The following CEP57L1 variants were observed in gnomAD, a reference collection of about 807,000 sequenced individuals.
CEP57L1 encodes the protein centrosomal protein 57 like 1, also known as centrosomal protein CEP57L1.
In CEP57L1, 37 loss-of-function variants were observed where a neutral mutation model predicts 61.0. That is an observed-to-expected ratio of 0.61 (90% confidence interval 0.47 to 0.80). The LOEUF (loss-of-function observed/expected upper bound fraction) is 0.80. Among genes scored for constraint, CEP57L1 ranks in the 30% least tolerant of loss-of-function variants. CEP57L1 has a pLI of 0.00. For synonymous variants in CEP57L1, 137 were observed against 162.3 expected (o/e 0.84, Z 1.19); for missense variants, 422 against 524.7 (o/e 0.80, Z 1.91).
At chr6:109,157,156 G>T (rs947131982) in intron 7 of CEP57L1, 1 of 152,136 alleles carries the variant, frequency 6.6e-6, no homozygotes, top group East Asian at 1.9e-4. Context: ...GTAATTAACA[G>T]CAGAATCATT....
intron 10 of CEP57L1, 30 bp downstream of exon 10, chr6:109,160,746 A>G (rs1184534097): frequency 6.4e-7 from 1 of 1,564,018 alleles, no homozygotes; most frequent in Non-Finnish European, 8.6e-7. Context: ...AGATTTTAAT[A>G]AAAACACAAA....
chr6:109,171,417 G>A lies in CEP57L1; in HGVS notation c.*8447G>A, dbSNP rs180761914. 1.6e-4 allele frequency among the ~76,000 whole-genome samples: 23 copies of A among 147,936 alleles called. No homozygotes were observed. In the East Asian group the frequency reaches 3.9e-3, roughly 25 times the overall value. On this transcript the variant is annotated 3_prime_UTR_variant, in exon 11 of 11. Transcript: ENST00000517392. ...CCACACCCGGCTGTTTTTTTTTTTC[G>A]CATTTTTAATAGAAACGGGGTTTCA...
intron 1 of CEP57L1, among the ~76,000 whole-genome samples, chr6:109,109,232 G>A (rs1181676422): frequency 6.6e-6 from 1 of 152,104 alleles, no homozygotes; most frequent in African/African-American, 2.4e-5. Context: ...TCTCTTAAGA[G>A]TATTCACCAA....
intron 1 of CEP57L1, among the ~76,000 whole-genome samples, chr6:109,126,438 G>A (rs1773566480): frequency 6.6e-6 from 1 of 152,254 alleles, no homozygotes; most frequent in Non-Finnish European, 1.5e-5. Context: ...ATGAAAATCT[G>A]TTGTCCATCT....
rs960987467 is a variant in CEP57L1 at position 109,136,756 on chromosome 6, TTTTA to T, written c.-3-8455_-3-8452del. On this transcript the variant is annotated intron_variant, in intron 1 of 10. Coordinates refer to ENST00000517392, the MANE Select transcript of CEP57L1 (RefSeq NM_001271852.3). ...TTTTATTTTATTTTATTTTATTTTA[TTTTA>T]TTTATTTTTTTGAGAGAGAGTCTTT... Among the ~76,000 whole-genome samples the T allele has an allele frequency of 2.5e-3, 360 of 142,328 alleles. 2 individuals are homozygous for T. The highest frequency in any genetic ancestry group is 0.01 in the African/African-American group (345 of 34,386). 93.4% of individuals were successfully genotyped at this position (142,328 alleles called of 152,430 possible).
At chr6:109,147,408 CAT>C (rs749122726) in intron 3 of CEP57L1, among the ~76,000 whole-genome samples, 14 of 152,026 alleles carry the variant, frequency 9.2e-5, no homozygotes, top group Non-Finnish European at 1.8e-4. Flanking sequence ...AATTAGAAGA[CAT>C]AGGCAAATGG....
intron 1 of CEP57L1, among the ~76,000 whole-genome samples, chr6:109,104,208 T>C (rs1770654525): frequency 6.6e-6 from 1 of 152,180 alleles, no homozygotes; most frequent in Non-Finnish European, 1.5e-5. Flanking sequence ...CTTATCTGTG[T>C]TGCTAAATGT....
chr6:109,109,856 A>G (rs1272960434), intron 1 of CEP57L1, among the ~76,000 whole-genome samples: 1 of 152,212 alleles, frequency 6.6e-6, no homozygotes, highest in African/African-American at 2.4e-5. Context: ...ATGTCCCTGT[A>G]AAGGACATGA....
At chr6:109,116,937 T>C (rs1297998627) in intron 1 of CEP57L1, among the ~76,000 whole-genome samples, 1 of 152,206 alleles carries the variant, frequency 6.6e-6, no homozygotes, top group Non-Finnish European at 1.5e-5. Flanking sequence ...TATCACATAT[T>C]AAGTAGAAAG....
rs6568556 is a variant in CEP57L1 at position 109,170,081 on chromosome 6, G to A, written c.*7111G>A. Among the ~76,000 whole-genome samples the A allele has an allele frequency of 8.6e-3, 1,315 of 152,226 alleles. 15 individuals carry two copies. Among genetic ancestry groups the A allele is most frequent in the African/African-American group, 0.025 (1,056 of 41,536 alleles). On this transcript the variant is annotated 3_prime_UTR_variant, in exon 11 of 11. Coordinates refer to ENST00000517392, the MANE Select transcript of CEP57L1 (RefSeq NM_001271852.3). ...GATTTCTTATAACCATATCAGCAAA[G>A]CCACTCTGCTCTGGACAATGGTCAG...
chr6:109,097,476 TCCAGA>T (rs1184850193), intron 1 of CEP57L1, among the ~76,000 whole-genome samples: 1 of 152,172 alleles, frequency 6.6e-6, no homozygotes, highest in East Asian at 1.9e-4. Context: ...TATATTGCCC[TCCAGA>T]TCAGCCATAC....
chr6:109,159,017 A>G lies in CEP57L1; in HGVS notation c.745-8A>G, dbSNP rs753805371. The G allele has an allele frequency of 2.5e-6, 4 of 1,592,224 alleles. No individual in the cohort carries two copies. The highest frequency in any genetic ancestry group is 1.7e-6 in the Non-Finnish European group (2 of 1,173,534). On this transcript the variant is annotated splice_polypyrimidine_tract_variant and splice_region_variant and intron_variant, in intron 7 of 10. Coordinates refer to ENST00000517392, the MANE Select transcript of CEP57L1 (RefSeq NM_001271852.3). ...TCTTGTTTACGTTTTTTTCTTGCCA[A>G]TCTCTAGAAAACTAAATGTATAAAG...
At chr6:109,154,455 T>C (rs189323080) in intron 5 of CEP57L1, among the ~76,000 whole-genome samples, 1 of 151,700 alleles carries the variant, frequency 6.6e-6, no homozygotes, top group Admixed American at 6.5e-5. Context: ...TAAGGTTATA[T>C]GTATATATGG....
Position 109,160,623 on chromosome 6 carries a change from CTG to C in CEP57L1, c.1071_1072del (p.Cys357Ter), listed in dbSNP as rs1773632227. 1 of 1,606,198 alleles carries C rather than the reference CTG, an allele frequency of 6.2e-7. No individual in the cohort carries two copies. Among genetic ancestry groups the C allele is most frequent in the Non-Finnish European group, 8.5e-7 (1 of 1,177,462 alleles). Reference protein sequence around the residue: ...QMKETESHSVCDDIECELECL... With the variant: ...QMKETESHSVXDDIECELECL... Reference sequence around the variant, plus strand: ...TGAAGGAAACTGAAAGTCATTCAGTCTGTGACGACATAGAATGTGAACTAGAG... The same window carrying C: ...TGAAGGAAACTGAAAGTCATTCAGTCTGACGACATAGAATGTGAACTAGAG... On this transcript the variant is annotated frameshift_variant, in exon 10 of 11. Transcript: ENST00000517392. LOFTEE classifies it high-confidence loss of function.
chr6:109,109,053 A>G (rs1160167601), intron 1 of CEP57L1, among the ~76,000 whole-genome samples: 1 of 152,190 alleles, frequency 6.6e-6, no homozygotes, highest in Non-Finnish European at 1.5e-5. Context: ...TCTAACAAGG[A>G]TGTTGTGGAC....
intron 1 of CEP57L1, among the ~76,000 whole-genome samples, chr6:109,133,613 T>C (rs983927534): frequency 4.0e-5 from 6 of 149,456 alleles, no homozygotes; most frequent in Admixed American, 2.0e-4. Flanking sequence ...TCAAAAAATC[T>C]GTGAATCCAG....
intron 1 of CEP57L1, among the ~76,000 whole-genome samples, chr6:109,140,976 G>A (rs1037810642): frequency 5.3e-5 from 8 of 150,498 alleles, no homozygotes; most frequent in Non-Finnish European, 8.9e-5. Context: ...GACTACGGGC[G>A]CCCACCACCA....
chr6:109,146,474 T>C (rs1447455991), intron 2 of CEP57L1, among the ~76,000 whole-genome samples: 1 of 151,990 alleles, frequency 6.6e-6, no homozygotes, highest in African/African-American at 2.4e-5. Flanking sequence ...GTCCTTTCAT[T>C]TGTAAATATT....
Position 109,159,338 on chromosome 6 carries a change from A to G in CEP57L1, c.892A>G (p.Lys298Glu). Reference sequence around the variant, plus strand: ...CGTGACTGAGACTAGATGTCTCCCCAAGCCTTCTAGAACAACTTCCTGGTG... The same window carrying G: ...CGTGACTGAGACTAGATGTCTCCCCGAGCCTTCTAGAACAACTTCCTGGTG... Reference protein sequence around the residue: ...FNVTETRCLPKPSRTTSWCKA... With the variant: ...FNVTETRCLPEPSRTTSWCKA... The change falls in exon 9 of 11, where the codon AAG becomes GAG. Residue 298 changes from lysine (K) to glutamate (E), a missense_variant. Lys to Glu is a moderately conservative substitution (Grantham distance 56). Coordinates refer to ENST00000517392, the MANE Select transcript of CEP57L1 (RefSeq NM_001271852.3). The G allele has an allele frequency of 6.2e-7, 1 of 1,614,090 alleles. No homozygotes were observed. Among genetic ancestry groups the G allele is most frequent in the Non-Finnish European group, 8.5e-7 (1 of 1,179,966 alleles).
Sources: allele counts gnomAD v4.1 joint callset (sites outside exome capture counted in the v4.1 genomes callset), GRCh38; gene constraint gnomAD v4.1.1; transcripts MANE v1.5; gene names NCBI Gene and HGNC (gene_info 2026-07-23, HGNC 2026-07-21).